EHBP1: variants seen among roughly 807,000 people sequenced by gnomAD.
The protein encoded by EHBP1 is EH domain binding protein 1.
EHBP1 carries 55 observed loss-of-function variants against 144.0 expected under a neutral mutation model. The ratio of observed to expected loss-of-function variants is 0.38; its 90% confidence interval spans 0.31 to 0.48. The LOEUF (loss-of-function observed/expected upper bound fraction) is 0.48, where lower values mean the gene tolerates loss of function less well. Among genes scored for constraint, EHBP1 ranks in the 20% least tolerant of loss-of-function variants. EHBP1 has a pLI of 0.98. For synonymous variants in EHBP1, 469 were observed against 472.7 expected, an observed-to-expected ratio of 0.99 and a Z score of 0.10; for missense variants, 1,200 against 1,364.2, an observed-to-expected ratio of 0.88 and a Z score of 1.90.
intron 7 of EHBP1, among the ~76,000 whole-genome samples, chr2:62,839,790 A>G (rs186362657): frequency 6.5e-4 from 99 of 152,368 alleles, no homozygotes; most frequent in African/African-American, 2.1e-3. Flanking sequence ...AGGGATGTGA[A>G]GCAACTCTTC....
intron 3 of EHBP1, among the ~76,000 whole-genome samples, chr2:62,755,281 C>T (rs1408539808): frequency 2.6e-5 from 4 of 152,082 alleles, no homozygotes; most frequent in Non-Finnish European, 5.9e-5. Flanking sequence ...GCTTGTTTCG[C>T]TTGACATAAC....
chr2:62,761,325 G>T (rs999216981), intron 3 of EHBP1, among the ~76,000 whole-genome samples: 1 of 152,158 alleles, frequency 6.6e-6, no homozygotes, highest in Non-Finnish European at 1.5e-5. Flanking sequence ...GTCTCGTGAT[G>T]AGCCTCTGTT....
chr2:62,917,389 T>C (rs2054711586), intron 10 of EHBP1, among the ~76,000 whole-genome samples: 1 of 152,128 alleles, frequency 6.6e-6, no homozygotes, highest in Non-Finnish European at 1.5e-5. Flanking sequence ...TAATCTGTCA[T>C]TGACTGAAAC....
chr2:62,912,033 T>C (rs764312072), intron 10 of EHBP1, among the ~76,000 whole-genome samples: 11 of 152,154 alleles, frequency 7.2e-5, no homozygotes, highest in South Asian at 2.1e-4. Flanking sequence ...ACCTAGATTC[T>C]TTAATAGTAT....
intron 2 of EHBP1, among the ~76,000 whole-genome samples, chr2:62,731,527 A>T (rs2037600885): frequency 6.6e-6 from 1 of 152,122 alleles, no homozygotes; most frequent in Admixed American, 6.6e-5. Flanking sequence ...GTATAACGTT[A>T]TCCTTAGGTT....
chr2:62,949,247 A>G (rs2057250628), intron 13 of EHBP1, 85 bp downstream of exon 13: 3 of 1,203,374 alleles, frequency 2.5e-6, no homozygotes, highest in South Asian at 3.3e-5. Flanking sequence ...AGATGCTACA[A>G]ATGATTAAAG....
Position 62,981,108 on chromosome 2 carries a change from T to A in EHBP1, c.2608+1773T>A, listed in dbSNP as rs572019195. 5.9e-5 allele frequency among the ~76,000 whole-genome samples: 9 copies of A among 151,278 alleles called. No homozygotes were observed. The South Asian group carries it at 1.9e-3, about 32-fold the overall frequency. On this transcript the variant is annotated intron_variant, in intron 15 of 22. Transcript: ENST00000431489. Reference sequence around the variant, plus strand: ...AAAAAAAAGAATTCTTCATCTTCCCTTTTCGACTCCTATCATGCAGCTATC... The same window carrying A: ...AAAAAAAAGAATTCTTCATCTTCCCATTTCGACTCCTATCATGCAGCTATC...
intron 1 of EHBP1, among the ~76,000 whole-genome samples, chr2:62,679,964 T>G (rs910794545): frequency 6.6e-6 from 1 of 152,230 alleles, no homozygotes; most frequent in Admixed American, 6.5e-5. Context: ...GTACTTAGCA[T>G]GTTAATCCCC....
At chr2:62,947,246 C>T (rs2153086795) in intron 12 of EHBP1, among the ~76,000 whole-genome samples, 1 of 152,220 alleles carries the variant, frequency 6.6e-6, no homozygotes. Context: ...TTTTCATTTT[C>T]TTTCTTACTT....
At chr2:62,990,971 T>C in intron 16 of EHBP1, 131 bp downstream of exon 16, 1 of 1,170,214 alleles carries the variant, frequency 8.5e-7, no homozygotes, top group Non-Finnish European at 1.2e-6. Context: ...TAAGAAATTT[T>C]TACTGGTGAG....
intron 5 of EHBP1, among the ~76,000 whole-genome samples, chr2:62,820,678 T>G (rs1341187890): frequency 4.1e-5 from 6 of 147,534 alleles, no homozygotes; most frequent in Non-Finnish European, 3.0e-5. Context: ...TACGTCAAAA[T>G]GTCCTTTTTA....
intron 19 of EHBP1, 140 bp downstream of exon 19, chr2:62,996,906 C>A: frequency 1.6e-6 from 2 of 1,236,750 alleles, no homozygotes; most frequent in Non-Finnish European, 2.2e-6. Flanking sequence ...CGATTTGCAG[C>A]CACCTCTCTG....
intron 14 of EHBP1, among the ~76,000 whole-genome samples, chr2:62,975,117 A>T (rs2058655818): frequency 6.6e-6 from 1 of 152,048 alleles, no homozygotes; most frequent in Admixed American, 6.6e-5. Flanking sequence ...ATGTCTTGGA[A>T]CCTATGCCAG....
intron 10 of EHBP1, among the ~76,000 whole-genome samples, chr2:62,897,419 A>G (rs1212358113): frequency 6.6e-6 from 1 of 152,210 alleles, no homozygotes; most frequent in African/African-American, 2.4e-5. Context: ...AACCTTGTAC[A>G]TATATTATTT....
intron 5 of EHBP1, among the ~76,000 whole-genome samples, chr2:62,801,108 A>G (rs999543809): frequency 6.6e-6 from 1 of 152,200 alleles, no homozygotes; most frequent in Non-Finnish European, 1.5e-5. Context: ...TTTTTTGATG[A>G]TGTATTTTAA....
At position 62,840,474 on chromosome 2, in the gene EHBP1, A is replaced by C. The variant is rs1187685848; in HGVS notation, c.634+9316A>C. On this transcript the variant is annotated intron_variant, in intron 7 of 22. Coordinates refer to ENST00000431489, the MANE Select transcript of EHBP1 (RefSeq NM_001142616.3). The stretch of plus-strand genomic sequence containing the variant: ...ACACCAAAAGCAATGGCAACAAAAG[A>C]CAAAATTGACAAATGGGATCTAATT... 5.6e-4 allele frequency among the ~76,000 whole-genome samples: 83 copies of C among 147,218 alleles called. 1 individual carries two copies. The highest frequency in any genetic ancestry group is 1.6e-3 in the Admixed American group (24 of 14,590).
intron 16 of EHBP1, 85 bp downstream of exon 16, chr2:62,990,925 T>C (rs931094209): frequency 1.4e-5 from 20 of 1,474,900 alleles, no homozygotes; most frequent in Non-Finnish European, 1.8e-5. Context: ...AAAACAATTT[T>C]TTACCTAATT....
chr2:62,715,823 A>C (rs2035618975), intron 2 of EHBP1, among the ~76,000 whole-genome samples: 1 of 152,186 alleles, frequency 6.6e-6, no homozygotes, highest in Non-Finnish European at 1.5e-5. Context: ...TGAGCTGCCT[A>C]CTTAGACTTT....
intron 12 of EHBP1, among the ~76,000 whole-genome samples, chr2:62,947,462 A>G (rs959839232): frequency 7.2e-5 from 11 of 152,200 alleles, no homozygotes; most frequent in African/African-American, 2.4e-4. Flanking sequence ...CAGAGCAAGA[A>G]TATATCTAGA....
Sources: allele counts gnomAD v4.1 joint callset (sites outside exome capture counted in the v4.1 genomes callset), GRCh38; gene constraint gnomAD v4.1.1; transcripts MANE v1.5; gene names NCBI Gene and HGNC (gene_info 2026-07-23, HGNC 2026-07-21).